CTDSPL2: variants seen among roughly 807,000 people sequenced by gnomAD.
CTDSPL2 encodes the protein CTD small phosphatase like 2, also known as CTD small phosphatase-like protein 2.
Under a neutral mutation model 60.0 loss-of-function variants are expected in CTDSPL2, and 5 were observed. That is an observed-to-expected ratio of 0.08 (90% CI 0.04 to 0.18). The LOEUF (loss-of-function observed/expected upper bound fraction) is 0.18, where lower values mean the gene tolerates loss of function less well. CTDSPL2 is among the 10% of genes least tolerant of loss of function. CTDSPL2 has a pLI of 1.00. For missense variants in CTDSPL2, 370 were observed against 548.8 expected, an observed-to-expected ratio of 0.67 and a Z score of 3.26; for synonymous variants, 186 against 189.3, an observed-to-expected ratio of 0.98 and a Z score of 0.14.
intron 2 of CTDSPL2, among the ~76,000 whole-genome samples, chr15:44,459,728 A>G (rs967339563): frequency 3.3e-5 from 5 of 152,194 alleles, no homozygotes; most frequent in African/African-American, 1.2e-4. Context: ...TATTATGGGA[A>G]GCAAAATAAA....
chr15:44,484,273 A>G lies in CTDSPL2; in HGVS notation c.236A>G (p.Asp79Gly). 1.2e-6 allele frequency: 2 copies of G among 1,612,092 alleles called. No individual in the cohort carries two copies. Among genetic ancestry groups the G allele is most frequent in the Non-Finnish European group, 1.7e-6 (2 of 1,178,222 alleles). The change falls in exon 3 of 13, where the codon GAT becomes GGT. Residue 79 changes from aspartate (D) to glycine (G), a missense_variant. Asp to Gly is a moderately conservative substitution (Grantham distance 94). Transcript: ENST00000260327. ...CGGAGTAGAATTGAACGTGATATAG[A>G]TAACAATTTGATCACGTCAACACCA... is the stretch of plus-strand genomic sequence containing the variant. ...SKRSRIERDI[D>G]NNLITSTPRA... is the part of the protein sequence containing the mutation.
At position 44,432,300 on chromosome 15, in the gene CTDSPL2, ATATTATTATTTTATTATTATTATTAT is replaced by A. The variant is rs550131126; in HGVS notation, c.-25+4540_-25+4565del. Among the ~76,000 whole-genome samples the A allele has an allele frequency of 3.5e-3, 300 of 86,780 alleles. 1 individual carries two copies. The highest frequency in any genetic ancestry group is 0.012 in the African/African-American group (284 of 23,482). The allele number at this position is 86,780 out of a possible 152,430, so 56.9% of individuals were successfully genotyped here. ...TATTTTGTGATATCCATATGTTCCTATATTATTATTTTATTATTATTATTATTATTATTATTTGAGATGAAGTCTTG... is the reference window on the plus strand; with the variant it reads ...TATTTTGTGATATCCATATGTTCCTATATTATTATTTGAGATGAAGTCTTG... On this transcript the variant is annotated intron_variant, in intron 1 of 12. Transcript: ENST00000260327.
In CTDSPL2 at chr15:44,497,998, G is replaced by GA. The variant is rs150886200; in HGVS notation, c.882+869dup. ...GGCAACAGGGCAAGATTCTGTCTCA[G>GA]AAAAAAAAATGATATTTTAGGGTAC... On this transcript the variant is annotated intron_variant, in intron 7 of 12. Coordinates refer to ENST00000260327, the MANE Select transcript of CTDSPL2 (RefSeq NM_016396.3). Among the ~76,000 whole-genome samples, 8 of 149,552 alleles carry GA rather than the reference G, an allele frequency of 5.3e-5. No homozygotes were observed. The South Asian group carries it at 6.3e-4, about 12-fold the overall frequency.
chr15:44,489,278 T>A (rs1191101464), intron 4 of CTDSPL2, among the ~76,000 whole-genome samples: 1 of 152,082 alleles, frequency 6.6e-6, no homozygotes, highest in Non-Finnish European at 1.5e-5. Flanking sequence ...GTTGGTTACG[T>A]TGATTCAAGA....
Position 44,478,057 on chromosome 15 carries a change from A to G in CTDSPL2, c.187-6167A>G, listed in dbSNP as rs532746515. ...GCTATCCTTTATTCAAATTTGGCTT[A>G]GTTCTACAGGTTCTCCATCTGTTTG... On this transcript the variant is annotated intron_variant, in intron 2 of 12. Transcript: ENST00000260327. Among the ~76,000 whole-genome samples the G allele has an allele frequency of 1.0e-3, 159 of 152,250 alleles. 1 individual carries two copies. The highest frequency in any genetic ancestry group is 3.6e-3 in the African/African-American group (151 of 41,552).
intron 1 of CTDSPL2, chr15:44,448,688 A>C: frequency 3.1e-6 from 1 of 325,338 alleles, no homozygotes; most frequent in Non-Finnish European, 6.1e-6. Flanking sequence ...TAATTTCTGC[A>C]GGCCCTGTTT....
chr15:44,476,825 T>C (rs2080926663), intron 2 of CTDSPL2, among the ~76,000 whole-genome samples: 1 of 152,216 alleles, frequency 6.6e-6, no homozygotes, highest in African/African-American at 2.4e-5. Flanking sequence ...CATTACTTTA[T>C]ATAGAAAAAT....
intron 1 of CTDSPL2, among the ~76,000 whole-genome samples, chr15:44,441,480 C>G (rs186588192): frequency 6.6e-6 from 1 of 152,308 alleles, no homozygotes; most frequent in African/African-American, 2.4e-5. Context: ...TTCAATTGCC[C>G]TTGTTATCTG....
intron 10 of CTDSPL2, among the ~76,000 whole-genome samples, chr15:44,515,598 C>A (rs1302271013): frequency 2.6e-5 from 4 of 152,054 alleles, no homozygotes; most frequent in Non-Finnish European, 5.9e-5. Flanking sequence ...GGGCCAGGCG[C>A]GGTGGCTCAC....
chr15:44,516,881 C>T (rs1433039693), intron 10 of CTDSPL2: 1 of 151,948 alleles, frequency 6.6e-6, no homozygotes, highest in Non-Finnish European at 1.5e-5. Context: ...GCTCTGTCAC[C>T]CAGCCTGGAG....
intron 1 of CTDSPL2, among the ~76,000 whole-genome samples, chr15:44,434,990 A>G (rs770396664): frequency 1.7e-4 from 26 of 152,098 alleles, no homozygotes; most frequent in Non-Finnish European, 3.2e-4. Flanking sequence ...GACCAGACAC[A>G]GTGGCGCACG....
chr15:44,497,405 G>A (rs574086675), intron 7 of CTDSPL2, among the ~76,000 whole-genome samples: 3 of 152,012 alleles, frequency 2.0e-5, no homozygotes, highest in South Asian at 2.1e-4. Context: ...TCGCTCTGTC[G>A]CCCAGGCTGG....
At chr15:44,448,461 G>T (rs1163493382) in intron 1 of CTDSPL2, 1 of 248,432 alleles carries the variant, frequency 4.0e-6, no homozygotes, top group African/African-American at 2.3e-5. Context: ...TGTAGTCAGC[G>T]CTTGGGCCTC....
chr15:44,440,482 C>A (rs1303209251), intron 1 of CTDSPL2, among the ~76,000 whole-genome samples: 1 of 152,066 alleles, frequency 6.6e-6, no homozygotes, highest in Non-Finnish European at 1.5e-5. Flanking sequence ...AGGCATGAGC[C>A]ACTGCGCCTG....
intron 10 of CTDSPL2, among the ~76,000 whole-genome samples, chr15:44,515,781 G>A (rs960044139): frequency 6.6e-6 from 1 of 152,070 alleles, no homozygotes; most frequent in African/African-American, 2.4e-5. Flanking sequence ...GCTGAGGCAG[G>A]AGAATCGCTT....
At chr15:44,523,216 C>T (rs576701622) in intron 12 of CTDSPL2, among the ~76,000 whole-genome samples, 5 of 152,158 alleles carry the variant, frequency 3.3e-5, no homozygotes, top group South Asian at 4.1e-4. Flanking sequence ...AGGCTGATCT[C>T]GAACTCCTGA....
chr15:44,488,728 A>G (rs1440271803), intron 4 of CTDSPL2, among the ~76,000 whole-genome samples: 1 of 152,176 alleles, frequency 6.6e-6, no homozygotes, highest in African/African-American at 2.4e-5. Flanking sequence ...CTGAGGCAGG[A>G]GAATTGCTTG....
intron 1 of CTDSPL2, among the ~76,000 whole-genome samples, chr15:44,434,104 T>G (rs1296026900): frequency 6.6e-6 from 1 of 152,042 alleles, no homozygotes; most frequent in East Asian, 1.9e-4. Flanking sequence ...ATTTTTTTCT[T>G]AAGAGATAGG....
rs2081894596 is a variant in CTDSPL2 at position 44,527,553 on chromosome 15, G to T, written c.*3379G>T. The T allele has an allele frequency of 6.6e-6, 1 of 152,128 alleles. No homozygotes were observed. Among genetic ancestry groups the T allele is most frequent in the Non-Finnish European group, 1.5e-5 (1 of 68,012 alleles). The allele number at this position is 152,128 out of a possible 1,614,324, so 9.4% of individuals were successfully genotyped here. ...AATCACATAAAGCTAAAATGTAAAGGACATTGAAGCCTTTATTTAATTGTA... is the reference window on the plus strand; with the variant it reads ...AATCACATAAAGCTAAAATGTAAAGTACATTGAAGCCTTTATTTAATTGTA... On this transcript the variant is annotated 3_prime_UTR_variant, in exon 13 of 13. Transcript: ENST00000260327.
Sources: gnomAD v4.1 joint callset for allele counts (sites outside exome capture counted in the v4.1 genomes callset) on GRCh38, gnomAD v4.1.1 for gene constraint, MANE v1.5 for transcripts, NCBI Gene and HGNC (gene_info 2026-07-23, HGNC 2026-07-21) for gene names.